The following TK1 variants were observed in gnomAD, a reference collection of about 807,000 sequenced individuals.
TK1 encodes the protein thymidine kinase, cytosolic.
A neutral mutation model predicts 22.4 loss-of-function variants in TK1; 13 were observed. The observed-to-expected ratio is 0.58, with a 90% CI of 0.38 to 0.92. TK1 has a LOEUF of 0.92. TK1 is among the 40% of genes least tolerant of loss of function. The pLI, the probability that TK1 is intolerant of heterozygous loss-of-function variation, is 0.00. For missense variants in TK1, 251 were observed against 315.7 expected (o/e 0.80, Z 1.55); for synonymous variants, 134 against 125.4 (o/e 1.07, Z -0.46).
intron 3 of TK1, among the ~76,000 whole-genome samples, chr17:78,183,975 A>T (rs1362349720): frequency 6.6e-6 from 1 of 152,170 alleles, no homozygotes; most frequent in Non-Finnish European, 1.5e-5. Flanking sequence ...CACGGGCAGA[A>T]CTCATATTTA....
At chr17:78,175,740 A>C in intron 4 of TK1, 122 bp from the exon 5 acceptor site, 2 of 814,756 alleles carry the variant, frequency 2.5e-6, no homozygotes, top group East Asian at 2.7e-5. Context: ...GTAACTCTTA[A>C]TTCTCCCACG....
chr17:78,182,000 G>A (rs2075741321), intron 4 of TK1, among the ~76,000 whole-genome samples: 1 of 151,510 alleles, frequency 6.6e-6, no homozygotes, highest in African/African-American at 2.4e-5. Context: ...CAAGTGATCT[G>A]TCCACCTTGG....
intron 3 of TK1, among the ~76,000 whole-genome samples, chr17:78,183,276 A>G (rs1176153517): frequency 6.6e-6 from 1 of 152,248 alleles, no homozygotes; most frequent in Non-Finnish European, 1.5e-5. Flanking sequence ...ATCAGGTACC[A>G]GGGCCCATGA....
rs778054381 is a variant in TK1 at position 78,182,562 on chromosome 17, G to A, written c.303+27C>T. ...AGGACAGAGCGGAAGCTGGCAGGAA[G>A]AGTGATGCCAAGACAAGCCAACTTA... On this transcript the variant is annotated intron_variant, in intron 4 of 6. Transcript: ENST00000301634. 14 of 1,523,600 alleles carry A rather than the reference G, an allele frequency of 9.2e-6. No individual in the cohort carries two copies. In the South Asian group the frequency reaches 1.6e-4, roughly 17 times the overall value. 94.4% of individuals were successfully genotyped at this position (1,523,600 alleles called of 1,614,324 possible).
intron 5 of TK1, 50 bp from the exon 6 acceptor site, chr17:78,175,219 G>GTTTTTTTTTTTTTT: frequency 3.2e-6 from 5 of 1,574,986 alleles, no homozygotes; most frequent in South Asian, 1.1e-5. Context: ...TACCAGGTGG[G>GTTTTTTTTTTTTTT]TTTTTCTTTT....
At chr17:78,176,938 G>A (rs1446555514) in intron 4 of TK1, among the ~76,000 whole-genome samples, 2 of 152,160 alleles carry the variant, frequency 1.3e-5, no homozygotes, top group Non-Finnish European at 2.9e-5. Context: ...ACCCTCCTGA[G>A]TTGAGAACCT....
At chr17:78,178,664 G>C (rs188177992) in intron 4 of TK1, among the ~76,000 whole-genome samples, 85 of 152,300 alleles carry the variant, frequency 5.6e-4, no homozygotes, top group Middle Eastern at 3.4e-3. Context: ...TTTTGAGACT[G>C]AGTTTTGCTC....
intron 2 of TK1, among the ~76,000 whole-genome samples, chr17:78,185,428 G>A (rs1296225514): frequency 6.6e-6 from 1 of 152,188 alleles, no homozygotes; most frequent in Non-Finnish European, 1.5e-5. Context: ...TCTCCAAGAT[G>A]TAGTGGGGAA....
chr17:78,180,190 A>T (rs908648168), intron 4 of TK1, among the ~76,000 whole-genome samples: 4 of 152,240 alleles, frequency 2.6e-5, no homozygotes, highest in African/African-American at 9.6e-5. Flanking sequence ...CAGGCCCATG[A>T]AAACCTCACA....
At chr17:78,179,240 A>G (rs1567832080) in intron 4 of TK1, 6 of 985,438 alleles carry the variant, frequency 6.1e-6, no homozygotes, top group South Asian at 4.7e-5. Flanking sequence ...CATGTCCCCA[A>G]AGCTGATGCA....
chr17:78,181,707 G>T (rs560403277), intron 4 of TK1, among the ~76,000 whole-genome samples: 1 of 151,898 alleles, frequency 6.6e-6, no homozygotes, highest in Non-Finnish European at 1.5e-5. Context: ...GAAAATAAAC[G>T]TATAAGAAAC....
At chr17:78,184,056 C>G (rs2145829143) in intron 3 of TK1, among the ~76,000 whole-genome samples, 1 of 152,386 alleles carries the variant, frequency 6.6e-6, no homozygotes, top group South Asian at 2.1e-4. Flanking sequence ...TCTGCTTTCC[C>G]TGTCCCCACC....
chr17:78,186,681 AGGGAAG>A, intron 2 of TK1, 100 bp downstream of exon 2: 3 of 773,572 alleles, frequency 3.9e-6, no homozygotes, highest in Non-Finnish European at 5.5e-6. Flanking sequence ...AGGGGAGGGA[AGGGAAG>A]GGGAGGGGAG....
Position 78,174,604 on chromosome 17 carries a change from GGTGGGGC to G in TK1, c.*148_*154del. ...GTAGGAGAGGAGGGAGCATGCGGCA[GGTGGGGC>G]AGCCACACAAAGGAGAGTTCCCAGA... On this transcript the variant is annotated 3_prime_UTR_variant, in exon 7 of 7. Coordinates refer to ENST00000301634, the MANE Select transcript of TK1 (RefSeq NM_003258.5). 1 of 802,766 alleles carries G rather than the reference GGTGGGGC, an allele frequency of 1.2e-6. No individual in the cohort carries two copies. 49.7% of individuals were successfully genotyped at this position (802,766 alleles called of 1,614,324 possible).
In TK1 at chr17:78,179,151, G is replaced by A. The variant is rs547965295; in HGVS notation, c.303+3438C>T. The A allele has an allele frequency of 1.2e-5, 12 of 985,160 alleles. No homozygotes were observed. In the African/African-American group the frequency reaches 1.7e-4, roughly 14 times the overall value. 61.0% of individuals were successfully genotyped at this position (985,160 alleles called of 1,614,324 possible). A position where few individuals can be genotyped will look rare whatever the true frequency, so the allele number is the denominator to read the frequency against. On this transcript the variant is annotated intron_variant, in intron 4 of 6. Coordinates refer to ENST00000301634, the MANE Select transcript of TK1 (RefSeq NM_003258.5). Reference sequence around the variant, plus strand: ...GTTTACGCAGAGCCAGGAGAACAGAGCTATTGAACAACTCACAGCGGCAGG... The same window carrying A: ...GTTTACGCAGAGCCAGGAGAACAGAACTATTGAACAACTCACAGCGGCAGG...
In TK1 at chr17:78,185,101, A is replaced by T. The variant is rs1350086127; in HGVS notation, c.163T>A (p.Tyr55Asn). 2 of 1,611,940 alleles carry T rather than the reference A, an allele frequency of 1.2e-6. No individual in the cohort carries two copies. The highest frequency in any genetic ancestry group is 1.7e-6 in the Non-Finnish European group (2 of 1,179,516). The change falls in exon 3 of 7, where the codon TAT (tyrosine) becomes AAT (asparagine). Residue 55 changes from tyrosine (Y) to asparagine (N), a missense_variant. Coordinates refer to ENST00000301634, the MANE Select transcript of TK1 (RefSeq NM_003258.5). ...IAQYKCLVIK[Y>N]AKDTRYSSSF... ...CTGCTGTAGCGAGTGTCTTTGGCAT[A>T]CTTGATCACCAGGCACTTGTACTGA...
At chr17:78,178,183 TA>T (rs1025596357) in intron 4 of TK1, among the ~76,000 whole-genome samples, 1 of 151,890 alleles carries the variant, frequency 6.6e-6, no homozygotes. Flanking sequence ...AAAAAAAGTT[TA>T]AAAAAATAAA....
At chr17:78,176,798 G>A (rs906374967) in intron 4 of TK1, among the ~76,000 whole-genome samples, 22 of 152,184 alleles carry the variant, frequency 1.4e-4, no homozygotes, top group Admixed American at 1.4e-3. Context: ...GCAGTGTAGG[G>A]TGTTGGGCTG....
At chr17:78,178,661 A>G (rs551821048) in intron 4 of TK1, among the ~76,000 whole-genome samples, 1 of 152,192 alleles carries the variant, frequency 6.6e-6, no homozygotes, top group East Asian at 1.9e-4. Context: ...TTGTTTTGAG[A>G]CTGAGTTTTG....
Sources: allele counts gnomAD v4.1 joint callset (sites outside exome capture counted in the v4.1 genomes callset), GRCh38; gene constraint gnomAD v4.1.1; transcripts MANE v1.5; gene names NCBI Gene and HGNC (gene_info 2026-07-23, HGNC 2026-07-21).